Variants in DCP1A observed in about 807,000 individuals in gnomAD.
The protein encoded by DCP1A is mRNA-decapping enzyme 1A.
In DCP1A, 20 loss-of-function variants were observed where a neutral mutation model predicts 58.0. The ratio of observed to expected loss-of-function variants is 0.34; its 90% confidence interval spans 0.24 to 0.50. DCP1A has a LOEUF of 0.50. DCP1A is among the 20% of genes least tolerant of loss of function. The pLI, the probability that DCP1A is intolerant of heterozygous loss-of-function variation, is 0.98. For synonymous variants in DCP1A, 285 were observed against 275.1 expected, an observed-to-expected ratio of 1.04 and a Z score of -0.36; for missense variants, 613 against 712.2, an observed-to-expected ratio of 0.86 and a Z score of 1.59.
At chr3:53,313,901 TTTA>T (rs1305507174) in intron 4 of DCP1A, among the ~76,000 whole-genome samples, 1 of 151,982 alleles carries the variant, frequency 6.6e-6, no homozygotes, top group Admixed American at 6.6e-5. Flanking sequence ...ATCCTTGAGT[TTTA>T]TTATTATTTT....
At chr3:53,306,820 A>G (rs1279673427) in intron 5 of DCP1A, among the ~76,000 whole-genome samples, 1 of 148,854 alleles carries the variant, frequency 6.7e-6, no homozygotes, top group African/African-American at 2.5e-5. Context: ...GTGGAGGCTG[A>G]GACAGGTGGA....
At chr3:53,306,315 T>C (rs1707470139) in intron 5 of DCP1A, among the ~76,000 whole-genome samples, 1 of 152,202 alleles carries the variant, frequency 6.6e-6, no homozygotes. Flanking sequence ...AACATCACTA[T>C]CAACCATATC....
chr3:53,300,964 A>AT (rs1404600466), intron 6 of DCP1A, among the ~76,000 whole-genome samples: 2 of 151,972 alleles, frequency 1.3e-5, no homozygotes, highest in African/African-American at 4.8e-5. Context: ...TTCTTAAGTC[A>AT]TTTTTTTCTG....
chr3:53,344,689 T>C (rs771209263), intron 2 of DCP1A, among the ~76,000 whole-genome samples: 68 of 152,310 alleles, frequency 4.5e-4, no homozygotes, highest in Non-Finnish European at 5.9e-4. Context: ...TTTGCTAGGC[T>C]GGTAATATAA....
At chr3:53,309,357 G>A (rs1274130358) in intron 5 of DCP1A, among the ~76,000 whole-genome samples, 6 of 146,232 alleles carry the variant, frequency 4.1e-5, no homozygotes, top group African/African-American at 1.5e-4. Context: ...GCAACAGAGC[G>A]AGACTCCATC....
chr3:53,296,266 C>T (rs562226476), intron 6 of DCP1A, among the ~76,000 whole-genome samples: 1 of 152,302 alleles, frequency 6.6e-6, no homozygotes, highest in East Asian at 1.9e-4. Context: ...AATATCATAT[C>T]CCACAATGCA....
intron 3 of DCP1A, among the ~76,000 whole-genome samples, chr3:53,323,779 T>C (rs1161875233): frequency 2.0e-5 from 3 of 150,096 alleles, no homozygotes; most frequent in African/African-American, 7.4e-5. Context: ...GGGGAATTGC[T>C]TAAACCCGGG....
Position 53,287,456 on chromosome 3 carries a change from G to A in DCP1A, c.*124C>T, listed in dbSNP as rs375028190. On this transcript the variant is annotated 3_prime_UTR_variant, in exon 10 of 10. Transcript: ENST00000610213. The stretch of plus-strand genomic sequence containing the variant: ...CACTTGGAAAACATTCTTAAGAAAT[G>A]AGTCTCTTTCTCATAGGCTCAATTT... 5.1e-5 allele frequency: 20 copies of A among 388,764 alleles called. No homozygotes were observed. In the East Asian group the frequency reaches 8.5e-4, roughly 17 times the overall value. The allele number at this position is 388,764 out of a possible 1,614,324, so 24.1% of individuals were successfully genotyped here.
chr3:53,334,027 C>CAAG (rs140302421), intron 3 of DCP1A, among the ~76,000 whole-genome samples: 25,136 of 152,000 alleles, frequency 0.17, 2,558 homozygotes, highest in Middle Eastern at 0.28. Flanking sequence ...TTTGGGAGGC[C>CAAG]AAGACAGGAG....
intron 6 of DCP1A, among the ~76,000 whole-genome samples, chr3:53,299,879 C>T (rs181084593): frequency 1.3e-5 from 2 of 152,134 alleles, no homozygotes; most frequent in East Asian, 3.9e-4. Context: ...AGTCTTCCTC[C>T]CACCCCGAGA....
intron 5 of DCP1A, among the ~76,000 whole-genome samples, chr3:53,310,097 T>C (rs2106831492): frequency 6.6e-6 from 1 of 152,338 alleles, no homozygotes; most frequent in Non-Finnish European, 1.5e-5. Flanking sequence ...AAGCTCCACC[T>C]ATTGCAGACA....
At chr3:53,335,036 C>T (rs926179819) in intron 3 of DCP1A, among the ~76,000 whole-genome samples, 2 of 151,446 alleles carry the variant, frequency 1.3e-5, no homozygotes, top group Non-Finnish European at 2.9e-5. Flanking sequence ...TCTTGAGCAA[C>T]CTTTGGTTGC....
intron 3 of DCP1A, chr3:53,329,237 C>CA (rs1708193255): frequency 5.0e-6 from 2 of 396,334 alleles, no homozygotes; most frequent in Admixed American, 4.4e-5. Context: ...AGCAGAGAGA[C>CA]AAAAAAAGCA....
At chr3:53,346,690 A>T (rs1419242790) in intron 1 of DCP1A, among the ~76,000 whole-genome samples, 1 of 152,174 alleles carries the variant, frequency 6.6e-6, no homozygotes, top group Non-Finnish European at 1.5e-5. Context: ...ACTGAGTCCG[A>T]GGGGAGCATT....
At chr3:53,336,047 G>A (rs139391489) in intron 3 of DCP1A, among the ~76,000 whole-genome samples, 290 of 151,988 alleles carry the variant, frequency 1.9e-3, no homozygotes, top group African/African-American at 6.7e-3. Flanking sequence ...TGATCTGTTC[G>A]CCTTGGCCTC....
rs1706646463 is a variant in DCP1A at position 53,286,686 on chromosome 3, G to C, written c.*894C>G. The C allele has an allele frequency of 6.6e-6, 1 of 152,202 alleles. No homozygotes were observed. The highest frequency in any genetic ancestry group is 1.5e-5 in the Non-Finnish European group (1 of 68,040). 9.4% of individuals were successfully genotyped at this position (152,202 alleles called of 1,614,324 possible). On this transcript the variant is annotated 3_prime_UTR_variant, in exon 10 of 10. Coordinates refer to ENST00000610213, the MANE Select transcript of DCP1A (RefSeq NM_018403.7). ...ACACTCAAGGAAAGGAACCAGAATG[G>C]CTTTGTCAGATTGGTCCACTGGTCC...
At chr3:53,325,356 T>C (rs1433975798) in intron 3 of DCP1A, among the ~76,000 whole-genome samples, 7 of 152,218 alleles carry the variant, frequency 4.6e-5, no homozygotes, top group Admixed American at 4.6e-4. Flanking sequence ...CTAACCTACT[T>C]TCTAGAAGGA....
At chr3:53,327,837 C>T (rs1708153857) in intron 3 of DCP1A, among the ~76,000 whole-genome samples, 1 of 143,000 alleles carries the variant, frequency 7.0e-6, no homozygotes, top group Admixed American at 7.0e-5. Flanking sequence ...ACAACAAAAA[C>T]AAAGGCCGGG....
At chr3:53,313,346 G>C (rs923568373) in intron 4 of DCP1A, among the ~76,000 whole-genome samples, 1 of 151,872 alleles carries the variant, frequency 6.6e-6, no homozygotes, top group East Asian at 1.9e-4. Flanking sequence ...TTGAGTCTGG[G>C]AGGTAGAGGC....
Sources: allele counts gnomAD v4.1 joint callset (sites outside exome capture counted in the v4.1 genomes callset), GRCh38; gene constraint gnomAD v4.1.1; transcripts MANE v1.5; gene names NCBI Gene and HGNC (gene_info 2026-07-23, HGNC 2026-07-21).